CFAP221: variants seen among roughly 807,000 people sequenced by gnomAD.
The protein encoded by CFAP221 is cilia and flagella associated protein 221.
In CFAP221, 97 loss-of-function variants were observed where a neutral mutation model predicts 113.1. That is an observed-to-expected ratio of 0.86 (90% CI 0.73 to 1.02). The LOEUF (loss-of-function observed/expected upper bound fraction) is 1.02. Among genes scored for constraint, CFAP221 ranks in the 50% least tolerant of loss-of-function variants. The pLI is 0.00. For missense variants in CFAP221, 1,025 were observed against 1,013.4 expected (o/e 1.01, Z -0.16); for synonymous variants, 331 against 354.4 (o/e 0.93, Z 0.74).
At chr2:119,620,616 G>A (rs542058112) in intron 14 of CFAP221, among the ~76,000 whole-genome samples, 2 of 152,220 alleles carry the variant, frequency 1.3e-5, no homozygotes, top group South Asian at 2.1e-4. Flanking sequence ...AGGAAAATCC[G>A]GTAACAGCCA....
intron 6 of CFAP221, among the ~76,000 whole-genome samples, chr2:119,563,640 T>C (rs1315200116): frequency 6.6e-6 from 1 of 152,208 alleles, no homozygotes; most frequent in East Asian, 1.9e-4. Flanking sequence ...TCCAGCTTTA[T>C]ACAGTATTCA....
intron 23 of CFAP221, chr2:119,656,046 A>T: frequency 3.1e-6 from 1 of 317,832 alleles, no homozygotes; most frequent in South Asian, 3.7e-5. Flanking sequence ...TGTGAATAAG[A>T]TCTCATTTCA....
chr2:119,641,903 G>T (rs759560548), intron 21 of CFAP221, among the ~76,000 whole-genome samples: 1 of 152,112 alleles, frequency 6.6e-6, no homozygotes, highest in Non-Finnish European at 1.5e-5. Context: ...GAGAAGTGGC[G>T]ACCCGCTGAC....
chr2:119,624,533 A>T (rs149546233), intron 14 of CFAP221, among the ~76,000 whole-genome samples: 1,927 of 152,276 alleles, frequency 0.013, 36 homozygotes, highest in African/African-American at 0.044. Flanking sequence ...TATACCCAAA[A>T]GATTATAAAT....
chr2:119,656,141 T>G, intron 23 of CFAP221: 1 of 497,902 alleles, frequency 2.0e-6, no homozygotes, highest in Non-Finnish European at 3.6e-6. Context: ...AACTTGCCCA[T>G]GCTCAGAAAC....
In CFAP221 at chr2:119,656,510, GGGCCACTGT is replaced by G; in HGVS notation, c.*45_*53del. ...TCAGTCCCTTCCATTTGCTTTCCGT[GGGCCACTGT>G]GGCCCCTTGCGTCCATTTACATGCC... On this transcript the variant is annotated 3_prime_UTR_variant, in exon 24 of 24. Transcript: ENST00000413369. The G allele has an allele frequency of 7.1e-7, 1 of 1,413,810 alleles. No homozygotes were observed. The highest frequency in any genetic ancestry group is 2.3e-5 in the East Asian group (1 of 43,568). The allele number at this position is 1,413,810 out of a possible 1,614,324, so 87.6% of individuals were successfully genotyped here. A position where few individuals can be genotyped will look rare whatever the true frequency, so the allele number is the denominator to read the frequency against.
chr2:119,583,366 C>G (rs1194481057), intron 6 of CFAP221, among the ~76,000 whole-genome samples: 1 of 146,480 alleles, frequency 6.8e-6, no homozygotes, highest in African/African-American at 2.5e-5. Flanking sequence ...TGAATTACAA[C>G]AGTTGGGAAA....
chr2:119,616,687 G>A (rs749564251), intron 14 of CFAP221, among the ~76,000 whole-genome samples: 2 of 152,244 alleles, frequency 1.3e-5, no homozygotes, highest in East Asian at 1.9e-4. Flanking sequence ...CACACACATC[G>A]TACTCATTCC....
At position 119,582,767 on chromosome 2, in the gene CFAP221, A is replaced by G. The variant is rs567897749; in HGVS notation, c.528-4352A>G. ...CACAGCACCCAGCTGTCAATAAGAC[A>G]TATCTTTAAAAAATTTAGAGTAATA... On this transcript the variant is annotated intron_variant, in intron 6 of 23. Transcript: ENST00000413369. Among the ~76,000 whole-genome samples, 20 of 152,320 alleles carry G rather than the reference A, an allele frequency of 1.3e-4. No homozygotes were observed. The South Asian group carries it at 4.1e-3, about 32-fold the overall frequency.
chr2:119,650,666 A>G lies in CFAP221; in HGVS notation c.2319-1308A>G, dbSNP rs147083458. Among the ~76,000 whole-genome samples the G allele has an allele frequency of 1.8e-3, 277 of 152,360 alleles. 2 individuals carry two copies. The highest frequency in any genetic ancestry group is 3.4e-3 in the Non-Finnish European group (228 of 68,040). ...CAGGGAGTGCTTTGCAAACAGTCTC[A>G]TTTAATCCTTATGATGAGCTCTTAT... On this transcript the variant is annotated intron_variant, in intron 22 of 23. Transcript: ENST00000413369.
intron 6 of CFAP221, among the ~76,000 whole-genome samples, chr2:119,578,430 T>G (rs980054273): frequency 6.6e-6 from 1 of 152,196 alleles, no homozygotes; most frequent in Non-Finnish European, 1.5e-5. Context: ...TGGCACACGA[T>G]ACATCATTGT....
intron 6 of CFAP221, chr2:119,580,034 G>A (rs773571840): frequency 6.6e-5 from 10 of 152,202 alleles, no homozygotes; most frequent in Admixed American, 2.0e-4. Flanking sequence ...CTTAGGTTCT[G>A]AGGGTCAGAA....
chr2:119,591,712 G>C (rs1398148943), intron 7 of CFAP221, among the ~76,000 whole-genome samples: 1 of 152,198 alleles, frequency 6.6e-6, no homozygotes, highest in Non-Finnish European at 1.5e-5. Flanking sequence ...CCATACAGAA[G>C]TGCTTGTTCC....
In CFAP221 at chr2:119,590,076, G is replaced by A. The variant is rs1683493625; in HGVS notation, c.631+2854G>A. ...ATTTTGTGATCCTGGACATTCCCTTGTTGTCACAAATGCTAGGGAAGAATG... is the reference window on the plus strand; with the variant it reads ...ATTTTGTGATCCTGGACATTCCCTTATTGTCACAAATGCTAGGGAAGAATG... On this transcript the variant is annotated intron_variant, in intron 7 of 23. Coordinates refer to ENST00000413369, the MANE Select transcript of CFAP221 (RefSeq NM_001271049.2). 2.0e-5 allele frequency: 3 copies of A among 152,084 alleles called. No homozygotes were observed. The East Asian group carries it at 5.8e-4, about 29-fold the overall frequency. 9.4% of individuals were successfully genotyped at this position (152,084 alleles called of 1,614,324 possible).
At chr2:119,625,711 A>G in intron 15 of CFAP221, 23 bp downstream of exon 15, 1 of 1,553,934 alleles carries the variant, frequency 6.4e-7, no homozygotes, top group East Asian at 2.2e-5. Flanking sequence ...TGCAAAGCAC[A>G]GAGATGCCGA....
intron 6 of CFAP221, among the ~76,000 whole-genome samples, chr2:119,570,101 C>A (rs1371124924): frequency 6.6e-6 from 1 of 152,314 alleles, no homozygotes; most frequent in East Asian, 1.9e-4. Flanking sequence ...CTGCTGTAAG[C>A]AGACTTTTAT....
intron 11 of CFAP221, among the ~76,000 whole-genome samples, chr2:119,606,776 T>C (rs771514795): frequency 3.3e-5 from 5 of 152,212 alleles, no homozygotes; most frequent in Non-Finnish European, 5.9e-5. Flanking sequence ...TTCTGAATGC[T>C]GTGTTGTTCC....
intron 23 of CFAP221, among the ~76,000 whole-genome samples, chr2:119,655,798 T>C (rs993378617): frequency 1.3e-5 from 2 of 151,890 alleles, no homozygotes; most frequent in Non-Finnish European, 2.9e-5. Flanking sequence ...ACCCATCAAT[T>C]GATAGCCTCA....
chr2:119,548,569 G>A (rs1033185280), intron 2 of CFAP221, among the ~76,000 whole-genome samples: 3 of 152,180 alleles, frequency 2.0e-5, no homozygotes, highest in Admixed American at 6.5e-5. Context: ...TTACTGTTCC[G>A]AGTGATAACT....
Sources: gnomAD v4.1 joint callset for allele counts (sites outside exome capture counted in the v4.1 genomes callset) on GRCh38, gnomAD v4.1.1 for gene constraint, MANE v1.5 for transcripts, NCBI Gene and HGNC (gene_info 2026-07-23, HGNC 2026-07-21) for gene names.